Variants in MDGA2 observed in about 807,000 individuals in gnomAD.
The protein encoded by MDGA2 is MAM domain containing glycosylphosphatidylinositol anchor 2, also known as MAM domain-containing glycosylphosphatidylinositol anchor protein 2.
Under a neutral mutation model 117.8 loss-of-function variants are expected in MDGA2, and 40 were observed. That is an observed-to-expected ratio of 0.34 (90% CI 0.26 to 0.44). The LOEUF is 0.44. Ranked by LOEUF, MDGA2 falls within the 20% of genes least tolerant of loss-of-function variation. The probability of loss-of-function intolerance (pLI) is 1.00; values close to 1 mark genes in which losing one functional copy is unlikely to be tolerated. For missense variants in MDGA2, 1,123 were observed against 1,250.6 expected (o/e 0.90, Z 1.54); for synonymous variants, 452 against 439.0 (o/e 1.03, Z -0.37).
chr14:47,596,670 C>G (rs1283873597), intron 1 of MDGA2, among the ~76,000 whole-genome samples: 1 of 152,088 alleles, frequency 6.6e-6, no homozygotes, highest in Admixed American at 6.6e-5. Flanking sequence ...CATACCCCTA[C>G]CAAAAATTAC....
chr14:47,166,494 CTTTCT>C (rs1883883493), intron 3 of MDGA2, among the ~76,000 whole-genome samples: 1 of 152,096 alleles, frequency 6.6e-6, no homozygotes, highest in South Asian at 2.1e-4. Flanking sequence ...AATTGCATTT[CTTTCT>C]TTTAACAACA....
chr14:47,098,069 A>T (rs1880079881), intron 5 of MDGA2, among the ~76,000 whole-genome samples: 1 of 151,956 alleles, frequency 6.6e-6, no homozygotes, highest in African/African-American at 2.4e-5. Flanking sequence ...TGACATTTCA[A>T]GTGACACATT....
intron 1 of MDGA2, among the ~76,000 whole-genome samples, chr14:47,367,024 A>G (rs1323065316): frequency 1.3e-5 from 2 of 152,062 alleles, no homozygotes; most frequent in Non-Finnish European, 2.9e-5. Flanking sequence ...CCATAGACTA[A>G]TCATCTGTCA....
At chr14:46,975,991 C>G (rs1886445471) in intron 8 of MDGA2, among the ~76,000 whole-genome samples, 1 of 152,050 alleles carries the variant, frequency 6.6e-6, no homozygotes, top group Non-Finnish European at 1.5e-5. Context: ...TAATACCTAA[C>G]CACGTTGGTG....
At chr14:47,655,952 C>T (rs1250636436) in intron 1 of MDGA2, among the ~76,000 whole-genome samples, 12 of 152,166 alleles carry the variant, frequency 7.9e-5, no homozygotes, top group East Asian at 1.9e-4. Flanking sequence ...GTAAAGTCTA[C>T]GGCAAGTCCC....
At chr14:47,579,567 A>C (rs1341716729) in intron 1 of MDGA2, among the ~76,000 whole-genome samples, 2 of 152,114 alleles carry the variant, frequency 1.3e-5, no homozygotes, top group African/African-American at 4.8e-5. Context: ...TACAGGAAAA[A>C]TGATACCGCT....
chr14:46,882,946 G>C (rs1481785893), intron 10 of MDGA2, among the ~76,000 whole-genome samples: 4 of 151,812 alleles, frequency 2.6e-5, no homozygotes, highest in African/African-American at 9.7e-5. Context: ...GAAGATGAAA[G>C]TGTGATTGTA....
intron 14 of MDGA2, among the ~76,000 whole-genome samples, chr14:46,863,584 T>C (rs1881601061): frequency 6.6e-6 from 1 of 152,236 alleles, no homozygotes; most frequent in South Asian, 2.1e-4. Flanking sequence ...ACTCAATTGC[T>C]TACCATCAAT....
rs371218254 is a variant in MDGA2, at chr14:47,494,944, C to T, written c.280+179573G>A. Among the ~76,000 whole-genome samples the T allele has an allele frequency of 1.1e-4, 17 of 150,572 alleles. No individual in the cohort carries two copies. The East Asian group carries it at 2.1e-3, about 19-fold the overall frequency. ...TATATATATATTTTACATATACACA[C>T]ACATATATATACACACGTCACATTT... On this transcript the variant is annotated intron_variant, in intron 1 of 16. Transcript: ENST00000399232.
chr14:47,516,747 C>T (rs1284063881), intron 1 of MDGA2, among the ~76,000 whole-genome samples: 6 of 152,248 alleles, frequency 3.9e-5, no homozygotes, highest in Admixed American at 2.0e-4. Context: ...AAGATGACAT[C>T]AGGAACCTTT....
Position 46,841,304 on chromosome 14 carries a change from G to A in MDGA2, c.*627C>T, listed in dbSNP as rs992540303. 1.3e-5 allele frequency: 2 copies of A among 152,468 alleles called. No homozygotes were observed. The highest frequency in any genetic ancestry group is 4.8e-5 in the African/African-American group (2 of 41,400). 9.4% of individuals were successfully genotyped at this position (152,468 alleles called of 1,614,324 possible). On this transcript the variant is annotated 3_prime_UTR_variant, in exon 17 of 17. Transcript: ENST00000399232. ...CATACAGTTATCTAGCTTAGCCATG[G>A]GAGAAAAATAATAATAATAAAGGTG...
intron 8 of MDGA2, among the ~76,000 whole-genome samples, chr14:47,021,783 T>C (rs569608962): frequency 3.9e-5 from 6 of 152,210 alleles, no homozygotes; most frequent in African/African-American, 1.4e-4. Flanking sequence ...CATAGAAAAT[T>C]TGATGGTAGA....
chr14:47,504,429 T>C (rs1566488808), intron 1 of MDGA2, among the ~76,000 whole-genome samples: 1 of 152,172 alleles, frequency 6.6e-6, no homozygotes, highest in Non-Finnish European at 1.5e-5. Context: ...TTCTTCTCCA[T>C]CACATTATAG....
At position 47,491,090 on chromosome 14, in the gene MDGA2, A is replaced by G. The variant is rs540701971; in HGVS notation, c.280+183427T>C. On this transcript the variant is annotated intron_variant, in intron 1 of 16. Coordinates refer to ENST00000399232, the MANE Select transcript of MDGA2 (RefSeq NM_001113498.3). ...CAAATCTAATCACATGCCAAGGACA[A>G]ATGGATTTTTAGGAAATAATTATAA... Among the ~76,000 whole-genome samples the G allele has an allele frequency of 2.0e-5, 3 of 152,266 alleles. No individual in the cohort carries two copies. The East Asian group carries it at 5.8e-4, about 29-fold the overall frequency.
rs145061211 is a variant in MDGA2, at chr14:47,441,434, G to A, written c.281-139884C>T. ...TCAAAATGCACATTTGTGCAAAAGC[G>A]CAAATTTTTAAAAAGTCAAATAAGT... On this transcript the variant is annotated intron_variant, in intron 1 of 16. Transcript: ENST00000399232. 1.4e-4 allele frequency among the ~76,000 whole-genome samples: 21 copies of A among 152,178 alleles called. No individual in the cohort carries two copies. In the East Asian group the frequency reaches 2.9e-3, roughly 21 times the overall value.
intron 5 of MDGA2, among the ~76,000 whole-genome samples, chr14:47,103,356 T>C (rs1008760687): frequency 6.6e-6 from 1 of 152,188 alleles, no homozygotes; most frequent in Non-Finnish European, 1.5e-5. Flanking sequence ...TAAGTAGCAG[T>C]GAATATTTCA....
At chr14:47,260,501 G>C (rs1448732523) in intron 2 of MDGA2, among the ~76,000 whole-genome samples, 1 of 151,982 alleles carries the variant, frequency 6.6e-6, no homozygotes. Flanking sequence ...CTCTTGAAAG[G>C]CTTTCTATAA....
intron 1 of MDGA2, among the ~76,000 whole-genome samples, chr14:47,447,268 A>T (rs1000438710): frequency 2.6e-5 from 4 of 152,124 alleles, no homozygotes; most frequent in Non-Finnish European, 4.4e-5. Context: ...TTTCTTGCTG[A>T]AGACAAGAGA....
At chr14:47,342,832 C>T (rs889595321) in intron 1 of MDGA2, 4 of 341,696 alleles carry the variant, frequency 1.2e-5, no homozygotes, top group African/African-American at 2.2e-5. Context: ...TGTTGTACTT[C>T]TATTAAACAA....
Sources: gnomAD v4.1 joint callset for allele counts (sites outside exome capture counted in the v4.1 genomes callset) on GRCh38, gnomAD v4.1.1 for gene constraint, MANE v1.5 for transcripts, NCBI Gene and HGNC (gene_info 2026-07-23, HGNC 2026-07-21) for gene names.